SORD: variants seen among roughly 807,000 people sequenced by gnomAD.
SORD encodes sorbitol dehydrogenase, also known as (R,R)-butanediol dehydrogenase.
In SORD, 18 loss-of-function variants were observed where a neutral mutation model predicts 35.6. That is an observed-to-expected ratio of 0.51 (90% confidence interval 0.35 to 0.75). The LOEUF (loss-of-function observed/expected upper bound fraction) is 0.75. SORD is among the 30% of genes least tolerant of loss of function. The probability of loss-of-function intolerance (pLI) is 0.01; values close to 1 mark genes in which losing one functional copy is unlikely to be tolerated. For missense variants in SORD, 250 were observed against 390.2 expected (o/e 0.64, Z 3.03); for synonymous variants, 106 against 152.9 (o/e 0.69, Z 2.26).
At position 45,065,292 on chromosome 15, in the gene SORD, T is replaced by G; in HGVS notation, c.447T>G (p.Phe149Leu). 1 of 1,613,916 alleles carries G rather than the reference T, an allele frequency of 6.2e-7. No homozygotes were observed. Among genetic ancestry groups the G allele is most frequent in the Non-Finnish European group, 8.5e-7 (1 of 1,179,874 alleles). ...TCAGGCTTCCTGACAATGTCACCTT[T>G]GAGGAAGGCGCCCTGATCGAGCCAC... ...FCYKLPDNVTFEEGALIEPLS... is the reference protein window; with the variant it reads ...FCYKLPDNVTLEEGALIEPLS... The change falls in exon 5 of 9, where the codon TTT (phenylalanine) becomes TTG (leucine). Residue 149 changes from phenylalanine to leucine, a missense_variant. Around this residue, in one of 8 missense-constraint regions of SORD, gnomAD observed 126 missense variants for 148.7 expected, o/e 0.85. Coordinates refer to ENST00000267814, the MANE Select transcript of SORD (RefSeq NM_003104.6).
At chr15:45,068,394 T>C in intron 6 of SORD, 148 bp downstream of exon 6, 1 of 670,058 alleles carries the variant, frequency 1.5e-6, no homozygotes, top group Middle Eastern at 3.9e-4. Flanking sequence ...AGAGTGTGAG[T>C]GTGTGTTTTG....
At chr15:45,053,266 G>A (rs1411545228) in intron 3 of SORD, among the ~76,000 whole-genome samples, 1 of 152,154 alleles carries the variant, frequency 6.6e-6, no homozygotes, top group Admixed American at 6.5e-5. Flanking sequence ...ACTGGGTCTG[G>A]CCCTTAACTT....
chr15:45,040,684 CA>C (rs1892953088), intron 2 of SORD, among the ~76,000 whole-genome samples: 1 of 152,144 alleles, frequency 6.6e-6, no homozygotes, highest in Non-Finnish European at 1.5e-5. Flanking sequence ...ATTACCGTAC[CA>C]GACTGCTGAC....
intron 4 of SORD, among the ~76,000 whole-genome samples, chr15:45,064,764 CA>C (rs1893378320): frequency 6.6e-6 from 1 of 152,194 alleles, no homozygotes; most frequent in Admixed American, 6.5e-5. Context: ...GTTTGAGAAG[CA>C]GATGAGATGC....
intron 3 of SORD, among the ~76,000 whole-genome samples, chr15:45,059,535 C>T (rs1206175353): frequency 6.6e-6 from 1 of 152,158 alleles, no homozygotes; most frequent in African/African-American, 2.4e-5. Flanking sequence ...GCTCTGTCAC[C>T]CAGGTGGGAA....
rs749029887 is a variant in SORD at position 45,073,966 on chromosome 15, A to AG, written c.*439dup. ...TGATTTTCATGAAAATCTGCCACTCAGGGTCTGGGATGAAGGCTTGTCAGC... is the reference window on the plus strand; with the variant it reads ...TGATTTTCATGAAAATCTGCCACTCAGGGGTCTGGGATGAAGGCTTGTCAGC... On this transcript the variant is annotated 3_prime_UTR_variant, in exon 9 of 9. Transcript: ENST00000267814. The AG allele has an allele frequency of 8.4e-6, 1 of 118,720 alleles. No homozygotes were observed. Among genetic ancestry groups the AG allele is most frequent in the Non-Finnish European group, 1.7e-5 (1 of 60,026 alleles). 7.4% of individuals were successfully genotyped at this position (118,720 alleles called of 1,614,324 possible). A position where few individuals can be genotyped will look rare whatever the true frequency, so the allele number is the denominator to read the frequency against.
intron 7 of SORD, among the ~76,000 whole-genome samples, chr15:45,071,403 C>G (rs1314713751): frequency 1.3e-5 from 2 of 152,140 alleles, no homozygotes; most frequent in African/African-American, 4.8e-5. Flanking sequence ...ACCTCTTGCT[C>G]ACGGCACCAC....
intron 3 of SORD, among the ~76,000 whole-genome samples, chr15:45,051,238 T>A (rs4775723): frequency 0.016 from 2,428 of 152,378 alleles, 18 homozygotes; most frequent in Middle Eastern, 0.031. Context: ...ACCTTAATTA[T>A]GATTGATAGC....
intron 1 of SORD, among the ~76,000 whole-genome samples, chr15:45,039,994 G>T (rs1892940779): frequency 6.6e-6 from 1 of 152,106 alleles, no homozygotes. Flanking sequence ...TGCACCAGTG[G>T]GTGGGATGAG....
At chr15:45,045,620 A>G (rs1893036126) in intron 3 of SORD, among the ~76,000 whole-genome samples, 1 of 151,942 alleles carries the variant, frequency 6.6e-6, no homozygotes, top group Non-Finnish European at 1.5e-5. Context: ...ATCTGGGTAC[A>G]GATAAGTCTG....
chr15:45,059,375 C>A (rs376272805), intron 3 of SORD, among the ~76,000 whole-genome samples: 73 of 151,444 alleles, frequency 4.8e-4, no homozygotes, highest in African/African-American at 1.4e-3. Context: ...AAAAAAAAAA[C>A]CCCAAAAAAC....
chr15:45,069,412 G>C (rs1440877978), intron 7 of SORD, among the ~76,000 whole-genome samples: 1 of 151,784 alleles, frequency 6.6e-6, no homozygotes, highest in South Asian at 2.1e-4. Flanking sequence ...GGGTTTCACC[G>C]TGTTAGCCAG....
intron 3 of SORD, among the ~76,000 whole-genome samples, chr15:45,052,884 A>T (rs1893149716): frequency 6.6e-6 from 1 of 152,212 alleles, no homozygotes; most frequent in African/African-American, 2.4e-5. Flanking sequence ...AAGGAGCTGA[A>T]TTATCCAATG....
intron 3 of SORD, among the ~76,000 whole-genome samples, chr15:45,047,952 C>G (rs1893071057): frequency 6.6e-6 from 1 of 152,208 alleles, no homozygotes; most frequent in Non-Finnish European, 1.5e-5. Flanking sequence ...TGATGTGTAG[C>G]AATACCTGTG....
intron 2 of SORD, among the ~76,000 whole-genome samples, chr15:45,041,052 C>CT (rs1892957644): frequency 6.6e-6 from 1 of 152,206 alleles, no homozygotes; most frequent in Admixed American, 6.5e-5. Flanking sequence ...CACCTTTACT[C>CT]CACTCCTTCT....
At chr15:45,037,408 C>T (rs1464963011) in intron 1 of SORD, among the ~76,000 whole-genome samples, 1 of 152,176 alleles carries the variant, frequency 6.6e-6, no homozygotes, top group Non-Finnish European at 1.5e-5. Context: ...GTCTTACCAC[C>T]TCTCCACCTC....
chr15:45,025,741 T>C (rs1459013551), intron 1 of SORD, among the ~76,000 whole-genome samples: 1 of 151,680 alleles, frequency 6.6e-6, no homozygotes, highest in Non-Finnish European at 1.5e-5. Flanking sequence ...AAATGTAAAC[T>C]CAGGAGTCCT....
rs1893439184 is a variant in SORD, at chr15:45,068,247, G to C, written c.610+1G>C. The C allele has an allele frequency of 6.2e-7, 1 of 1,609,130 alleles. No individual in the cohort carries two copies. Among genetic ancestry groups the C allele is most frequent in the East Asian group, 2.2e-5 (1 of 44,880 alleles). ...GGAGCAGCTCAAGTAGTGGTGACTG[G>C]TAAGACTTTGTTCTTTATCAATCTC... On this transcript the variant is annotated splice_donor_variant, in intron 6 of 8. Transcript: ENST00000267814. LOFTEE classifies it high-confidence loss of function.
intron 4 of SORD, 146 bp from the exon 5 acceptor site, chr15:45,065,125 A>C (rs1425474492): frequency 1.5e-6 from 1 of 650,876 alleles, no homozygotes; most frequent in African/African-American, 1.8e-5. Context: ...ATGTATATAA[A>C]TTGCTTAGCA....
Sources: gnomAD v4.1 joint callset for allele counts (sites outside exome capture counted in the v4.1 genomes callset) on GRCh38, gnomAD v4.1.1 for gene constraint, gnomAD v4.1.1 regional missense constraint, MANE v1.5 for transcripts, NCBI Gene and HGNC (gene_info 2026-07-23, HGNC 2026-07-21) for gene names.